CUX1: variants seen among roughly 807,000 people sequenced by gnomAD.
CUX1 encodes cut like homeobox 1.
A neutral mutation model predicts 158.8 loss-of-function variants in CUX1; 31 were observed. The ratio of observed to expected loss-of-function variants is 0.20; its 90% CI spans 0.15 to 0.26. CUX1 has a LOEUF of 0.26. Ranked by LOEUF, CUX1 falls within the 10% of genes least tolerant of loss-of-function variation. The pLI, the probability that CUX1 is intolerant of heterozygous loss-of-function variation, is 1.00. For missense variants in CUX1, 1,589 were observed against 2,014.6 expected (o/e 0.79, Z 4.04); for synonymous variants, 879 against 862.1 (o/e 1.02, Z -0.34).
chr7:101,878,533 G>C (rs1225183365), intron 1 of CUX1, among the ~76,000 whole-genome samples: 3 of 152,102 alleles, frequency 2.0e-5, no homozygotes, highest in Non-Finnish European at 4.4e-5. Flanking sequence ...GCTGGGGTCT[G>C]GCAAAGCTCA....
chr7:102,178,287 G>A (rs1164477385), intron 10 of CUX1, among the ~76,000 whole-genome samples, 182 bp from the exon 11 acceptor site: 2 of 152,214 alleles, frequency 1.3e-5, no homozygotes, highest in Non-Finnish European at 2.9e-5. Context: ...CGAGGTGGCA[G>A]CTAACCACAG....
At chr7:101,816,952 C>T, upstream of CUX1, 2 of 983,164 alleles carry the variant, frequency 2.0e-6, no homozygotes, top group Non-Finnish European at 2.4e-6. Flanking sequence ...CGGGGAGCGC[C>T]CCGGGGCCAC....
At chr7:101,868,295 G>T (rs1798131800) in intron 1 of CUX1, among the ~76,000 whole-genome samples, 1 of 152,100 alleles carries the variant, frequency 6.6e-6, no homozygotes, top group Non-Finnish European at 1.5e-5. Context: ...GTCCCTTTAC[G>T]GCACCTGTGT....
In CUX1 at chr7:102,251,895, TC is replaced by T. The variant is rs1202423063; in HGVS notation, c.*2854del. On this transcript the variant is annotated 3_prime_UTR_variant, in exon 24 of 24. Coordinates refer to ENST00000292535, the MANE Select transcript of CUX1 (RefSeq NM_181552.4). Reference sequence around the variant, plus strand: ...AATTGACAAATACAGATTTGTCCATTCTAGTGGCCAAACAGTAACAGTCTAA... The same window carrying T: ...AATTGACAAATACAGATTTGTCCATTTAGTGGCCAAACAGTAACAGTCTAA... 3.0e-6 allele frequency: 3 copies of T among 985,426 alleles called. No individual in the cohort carries two copies. Among genetic ancestry groups the T allele is most frequent in the Non-Finnish European group, 3.6e-6 (3 of 829,926 alleles). 61.0% of individuals were successfully genotyped at this position (985,426 alleles called of 1,614,324 possible).
chr7:101,966,765 C>A (rs184941208), intron 2 of CUX1, among the ~76,000 whole-genome samples: 1 of 152,118 alleles, frequency 6.6e-6, no homozygotes, highest in Admixed American at 6.5e-5. Context: ...GTCTGTATCT[C>A]CCTATATTCA....
chr7:102,007,152 G>A (rs1817482480), intron 2 of CUX1, among the ~76,000 whole-genome samples: 1 of 152,134 alleles, frequency 6.6e-6, no homozygotes, highest in African/African-American at 2.4e-5. Flanking sequence ...GTTACTGATT[G>A]AATTTTTGAG....
At chr7:101,861,090 T>G (rs1584793530) in intron 1 of CUX1, among the ~76,000 whole-genome samples, 2 of 151,944 alleles carry the variant, frequency 1.3e-5, no homozygotes, top group East Asian at 1.9e-4. Context: ...CCTGCACTAG[T>G]TTTTTTTGTC....
intron 8 of CUX1, among the ~76,000 whole-genome samples, chr7:102,138,184 C>T (rs1254425006): frequency 3.9e-5 from 6 of 152,076 alleles, no homozygotes; most frequent in Non-Finnish European, 7.4e-5. Context: ...ATCCCGTCTC[C>T]AAAAACAAAA....
chr7:101,898,949 C>T (rs947369582), intron 1 of CUX1, among the ~76,000 whole-genome samples: 3 of 152,174 alleles, frequency 2.0e-5, no homozygotes, highest in Admixed American at 1.3e-4. Flanking sequence ...GCGTGGAAGG[C>T]GTTGGTGCAC....
At position 101,927,893 on chromosome 7, in the gene CUX1, C is replaced by G. The variant is rs1237090776; in HGVS notation, c.141+11668C>G. ...TTGGCCCAGGGGCGGCGGGTGGCATCTGAAGACCCCGCAGGCCCTGCTTTC... is the reference window on the plus strand; with the variant it reads ...TTGGCCCAGGGGCGGCGGGTGGCATGTGAAGACCCCGCAGGCCCTGCTTTC... On this transcript the variant is annotated intron_variant, in intron 2 of 23. Coordinates refer to ENST00000292535, the MANE Select transcript of CUX1 (RefSeq NM_181552.4). 2.6e-5 allele frequency among the ~76,000 whole-genome samples: 4 copies of G among 152,326 alleles called. No homozygotes were observed. In the East Asian group the frequency reaches 7.7e-4, roughly 29 times the overall value.
intron 17 of CUX1, chr7:102,277,925 C>CG: frequency 1.2e-5 from 12 of 1,037,280 alleles, no homozygotes; most frequent in Non-Finnish European, 1.6e-5. Flanking sequence ...TCCCCCACCC[C>CG]TTTCCTTGCC....
At chr7:101,874,224 G>A (rs946762547) in intron 1 of CUX1, among the ~76,000 whole-genome samples, 28 of 152,142 alleles carry the variant, frequency 1.8e-4, no homozygotes, top group African/African-American at 6.8e-4. Context: ...TGCCAGTTGT[G>A]GAGAGGATCT....
At position 102,200,058 on chromosome 7, in the gene CUX1, C is replaced by T. The variant is rs781902995; in HGVS notation, c.1961-13C>T. 9.4e-6 allele frequency: 15 copies of T among 1,596,780 alleles called. No individual in the cohort carries two copies. The highest frequency in any genetic ancestry group is 8.5e-6 in the Non-Finnish European group (10 of 1,173,614). On this transcript the variant is annotated splice_polypyrimidine_tract_variant and intron_variant, in intron 16 of 23. Coordinates refer to ENST00000292535, the MANE Select transcript of CUX1 (RefSeq NM_181552.4). ...TTTGGGTTTGATGTCATTGGCGCAA[C>T]TTCTCCCCACAGGTAACATCACCAC... is the stretch of plus-strand genomic sequence containing the variant.
At chr7:102,026,818 TAAA>T (rs10533217) in intron 2 of CUX1, among the ~76,000 whole-genome samples, 3,435 of 96,282 alleles carry the variant, frequency 0.036, 99 homozygotes, top group Non-Finnish European at 0.047. Context: ...ACTCCGTCTT[TAAA>T]AAAAAAAAAA....
intron 2 of CUX1, among the ~76,000 whole-genome samples, chr7:101,918,320 A>C (rs963538896): frequency 3.9e-5 from 6 of 152,236 alleles, no homozygotes; most frequent in African/African-American, 1.4e-4. Context: ...ACCTGGCCTT[A>C]AACTTGGCGT....
At chr7:101,870,380 C>G (rs1048676462) in intron 1 of CUX1, among the ~76,000 whole-genome samples, 4 of 151,900 alleles carry the variant, frequency 2.6e-5, no homozygotes, top group Non-Finnish European at 5.9e-5. Flanking sequence ...CCATGTTGCT[C>G]AGTCTGGTTT....
chr7:102,086,861 A>G (rs1043626169), intron 4 of CUX1, among the ~76,000 whole-genome samples: 3 of 151,992 alleles, frequency 2.0e-5, no homozygotes, highest in East Asian at 3.9e-4. Flanking sequence ...TCGTCTCTCA[A>G]TTGTTTGATT....
chr7:102,051,474 C>T (rs1487205883), intron 3 of CUX1, among the ~76,000 whole-genome samples: 1 of 151,910 alleles, frequency 6.6e-6, no homozygotes, highest in Non-Finnish European at 1.5e-5. Context: ...ATGTTGAAAG[C>T]CCGTCTTTAC....
chr7:102,016,959 G>A (rs566568016), intron 2 of CUX1, among the ~76,000 whole-genome samples: 2 of 152,166 alleles, frequency 1.3e-5, no homozygotes, highest in Non-Finnish European at 2.9e-5. Flanking sequence ...TGGTGCCTTT[G>A]GGGTCCATCC....
Sources: gnomAD v4.1 joint callset for allele counts (sites outside exome capture counted in the v4.1 genomes callset) on GRCh38, gnomAD v4.1.1 for gene constraint, MANE v1.5 for transcripts, NCBI Gene and HGNC (gene_info 2026-07-23, HGNC 2026-07-21) for gene names.